Variants in CSMD3 observed in about 807,000 individuals in gnomAD.
CSMD3 encodes CUB and Sushi multiple domains 3, also known as CUB and sushi domain-containing protein 3.
CSMD3 carries 177 observed loss-of-function variants against 435.2 expected under a neutral mutation model. That is an observed-to-expected ratio of 0.41 (90% CI 0.36 to 0.46). The LOEUF is 0.46. Ranked by LOEUF, CSMD3 falls within the 20% of genes least tolerant of loss-of-function variation. CSMD3 has a pLI of 0.34. For missense variants in CSMD3, 4,265 were observed against 4,504.6 expected, an observed-to-expected ratio of 0.95 and a Z score of 1.52; for synonymous variants, 1,656 against 1,520.5, an observed-to-expected ratio of 1.09 and a Z score of -2.07.
At chr8:112,506,344 T>C (rs972468946) in intron 29 of CSMD3, among the ~76,000 whole-genome samples, 6 of 152,132 alleles carry the variant, frequency 3.9e-5, no homozygotes, top group African/African-American at 4.8e-5. Context: ...TCAACATAAC[T>C]GATTACATCA....
chr8:112,521,698 C>G (rs1824298441), intron 27 of CSMD3, among the ~76,000 whole-genome samples: 1 of 151,828 alleles, frequency 6.6e-6, no homozygotes, highest in African/African-American at 2.4e-5. Context: ...TTTTTCTGAG[C>G]TCTTAACCAT....
chr8:113,395,249 A>G (rs1239666037), intron 1 of CSMD3, among the ~76,000 whole-genome samples: 1 of 152,214 alleles, frequency 6.6e-6, no homozygotes, highest in Non-Finnish European at 1.5e-5. Flanking sequence ...TAATGCTTCC[A>G]TAATGAGATA....
At position 113,155,212 on chromosome 8, in the gene CSMD3, G is replaced by T. The variant is rs559148412; in HGVS notation, c.709+18510C>A. On this transcript the variant is annotated intron_variant, in intron 4 of 70. Coordinates refer to ENST00000297405, the MANE Select transcript of CSMD3 (RefSeq NM_198123.2). ...GACAGAAAATGATTACAACCTAAGT[G>T]TCCTGTAAAAATCGCCCTAATCAAC... Among the ~76,000 whole-genome samples, 7 of 152,070 alleles carry T rather than the reference G, an allele frequency of 4.6e-5. No individual in the cohort carries two copies. The South Asian group carries it at 1.5e-3, about 32-fold the overall frequency.
intron 6 of CSMD3, among the ~76,000 whole-genome samples, chr8:113,012,498 G>C (rs2086292306): frequency 6.6e-6 from 1 of 151,974 alleles, no homozygotes; most frequent in African/African-American, 2.4e-5. Flanking sequence ...AGAGAGGGAA[G>C]TGATTGGATT....
chr8:112,910,074 C>T (rs976300390), intron 10 of CSMD3, among the ~76,000 whole-genome samples: 2 of 151,738 alleles, frequency 1.3e-5, no homozygotes, highest in Non-Finnish European at 2.9e-5. Context: ...AAGTTGTTTT[C>T]GGGATCCTCA....
chr8:112,362,570 T>C (rs1827350538), intron 38 of CSMD3, among the ~76,000 whole-genome samples: 1 of 151,948 alleles, frequency 6.6e-6, no homozygotes. Flanking sequence ...TGTTGGTGAG[T>C]ACCTATTGCG....
chr8:113,381,530 T>G (rs1325965277), intron 1 of CSMD3, among the ~76,000 whole-genome samples: 1 of 151,022 alleles, frequency 6.6e-6, no homozygotes, highest in Non-Finnish European at 1.5e-5. Context: ...TCTACCTCTT[T>G]TGAAGAAAAA....
intron 22 of CSMD3, among the ~76,000 whole-genome samples, chr8:112,609,201 C>CAAAAAAAAAAAAAAAAAAAAAAAAA (rs71566035): frequency 9.3e-5 from 4 of 43,108 alleles, no homozygotes; most frequent in Non-Finnish European, 1.2e-4. Context: ...GATACTGCCT[C>CAAAAAAAAAAAAAAAAAAAAAAAAA]AAAAAAAAAA....
At chr8:113,347,578 T>C (rs551408926) in intron 1 of CSMD3, among the ~76,000 whole-genome samples, 1 of 152,142 alleles carries the variant, frequency 6.6e-6, no homozygotes, top group African/African-American at 2.4e-5. Context: ...TAAGATGACA[T>C]TGCCATTTGG....
intron 35 of CSMD3, among the ~76,000 whole-genome samples, chr8:112,400,486 A>G (rs1428777771): frequency 1.3e-5 from 2 of 152,172 alleles, no homozygotes; most frequent in African/African-American, 4.8e-5. Context: ...AAGACTCCTG[A>G]TGGATGCAGT....
At chr8:112,310,632 T>A in intron 50 of CSMD3, 1 of 347,070 alleles carries the variant, frequency 2.9e-6, no homozygotes, top group South Asian at 2.6e-5. Context: ...ATTCTTATTC[T>A]CTATTACCTC....
At chr8:112,743,238 T>C (rs1252305828) in intron 13 of CSMD3, among the ~76,000 whole-genome samples, 1 of 151,604 alleles carries the variant, frequency 6.6e-6, no homozygotes, top group Non-Finnish European at 1.5e-5. Flanking sequence ...GAAAATAGTT[T>C]AAAATAATTT....
intron 3 of CSMD3, among the ~76,000 whole-genome samples, chr8:113,195,053 T>C (rs2132000352): frequency 6.6e-6 from 1 of 151,362 alleles, no homozygotes; most frequent in African/African-American, 2.4e-5. Context: ...TCATTGTGCC[T>C]CTACTTCACT....
At chr8:112,789,967 T>A (rs1195733307) in intron 13 of CSMD3, among the ~76,000 whole-genome samples, 4 of 152,024 alleles carry the variant, frequency 2.6e-5, no homozygotes, top group Admixed American at 6.6e-5. Flanking sequence ...AGTTTTCTGC[T>A]TTAATACACA....
At chr8:113,147,080 CA>C (rs2091693146) in intron 4 of CSMD3, among the ~76,000 whole-genome samples, 2 of 151,564 alleles carry the variant, frequency 1.3e-5, no homozygotes, top group African/African-American at 4.8e-5. Flanking sequence ...ATGGCCTTAG[CA>C]GCCTTTAAAT....
intron 11 of CSMD3, among the ~76,000 whole-genome samples, chr8:112,853,016 A>C (rs2080538872): frequency 6.6e-6 from 1 of 152,188 alleles, no homozygotes; most frequent in Admixed American, 6.5e-5. Context: ...AATGTTATAT[A>C]TTTACATTTC....
chr8:112,831,324 CTTT>C (rs55658194), intron 11 of CSMD3, among the ~76,000 whole-genome samples: 11 of 140,656 alleles, frequency 7.8e-5, no homozygotes, highest in Admixed American at 1.4e-4. Flanking sequence ...CATTTTCTTT[CTTT>C]TTTTTTTTTT....
At chr8:112,650,088 A>G (rs141101896) in intron 19 of CSMD3, 73 bp downstream of exon 19, 2 of 1,050,946 alleles carry the variant, frequency 1.9e-6, no homozygotes, top group African/African-American at 3.1e-5. Context: ...ATTATGTTAA[A>G]CCCCATATAA....
chr8:112,526,680 C>T (rs1301324257), intron 27 of CSMD3, among the ~76,000 whole-genome samples: 1 of 151,754 alleles, frequency 6.6e-6, no homozygotes, highest in Non-Finnish European at 1.5e-5. Flanking sequence ...ATAATTTTAT[C>T]TTTAATATTA....
Sources: gnomAD v4.1 joint callset for allele counts (sites outside exome capture counted in the v4.1 genomes callset) on GRCh38, gnomAD v4.1.1 for gene constraint, MANE v1.5 for transcripts, NCBI Gene and HGNC (gene_info 2026-07-23, HGNC 2026-07-21) for gene names.